The following NELL2 variants were observed in gnomAD, a reference collection of about 807,000 sequenced individuals.
NELL2 encodes neural EGFL like 2, also known as protein kinase C-binding protein NELL2.
In NELL2, 41 loss-of-function variants were observed where a neutral mutation model predicts 109.6. The ratio of observed to expected loss-of-function variants is 0.37; its 90% CI spans 0.29 to 0.49. The LOEUF (loss-of-function observed/expected upper bound fraction) is 0.49. Ranked by LOEUF, NELL2 falls within the 20% of genes least tolerant of loss-of-function variation. The probability of loss-of-function intolerance (pLI) is 0.98; values close to 1 mark genes in which losing one functional copy is unlikely to be tolerated. For synonymous variants in NELL2, 355 were observed against 344.7 expected, an observed-to-expected ratio of 1.03 and a Z score of -0.33; for missense variants, 900 against 1,008.3, an observed-to-expected ratio of 0.89 and a Z score of 1.45.
chr12:44,633,947 G>T (rs1271375162), intron 13 of NELL2, among the ~76,000 whole-genome samples: 1 of 152,022 alleles, frequency 6.6e-6, no homozygotes, highest in Non-Finnish European at 1.5e-5. Context: ...AATATATTCA[G>T]ACATAATAAA....
intron 14 of NELL2, among the ~76,000 whole-genome samples, chr12:44,609,511 G>A (rs1945530294): frequency 6.6e-6 from 1 of 152,024 alleles, no homozygotes; most frequent in Non-Finnish European, 1.5e-5. Flanking sequence ...ATTTGACTGT[G>A]GGTAACTAAA....
intron 13 of NELL2, among the ~76,000 whole-genome samples, chr12:44,661,572 T>A (rs1386251517): frequency 6.6e-6 from 1 of 152,116 alleles, no homozygotes; most frequent in Non-Finnish European, 1.5e-5. Flanking sequence ...TGGTAACAAT[T>A]CCATCTTTGT....
chr12:44,532,223 C>T (rs1466833569), intron 16 of NELL2, among the ~76,000 whole-genome samples: 1 of 152,166 alleles, frequency 6.6e-6, no homozygotes, highest in East Asian at 1.9e-4. Flanking sequence ...CCCCATTTTC[C>T]CTCTATCTTG....
At chr12:44,510,403 C>A (rs1484523668) in intron 19 of NELL2, among the ~76,000 whole-genome samples, 1 of 152,202 alleles carries the variant, frequency 6.6e-6, no homozygotes, top group Admixed American at 6.5e-5. Context: ...CTCAGGCTAG[C>A]CTGACTCTAA....
intron 3 of NELL2, among the ~76,000 whole-genome samples, chr12:44,808,122 C>T (rs1022799879): frequency 2.6e-5 from 4 of 152,048 alleles, no homozygotes; most frequent in Admixed American, 6.6e-5. Flanking sequence ...GCTGGTTAGT[C>T]TATGGGCTGC....
intron 15 of NELL2, among the ~76,000 whole-genome samples, chr12:44,603,678 TA>T (rs895715098): frequency 1.3e-5 from 2 of 152,128 alleles, no homozygotes; most frequent in African/African-American, 4.8e-5. Flanking sequence ...AAGAAGTCCA[TA>T]AAAAATTAAT....
At chr12:44,835,464 T>C (rs1346711512) in intron 2 of NELL2, among the ~76,000 whole-genome samples, 1 of 152,078 alleles carries the variant, frequency 6.6e-6, no homozygotes, top group Non-Finnish European at 1.5e-5. Flanking sequence ...AAGTGTCCAC[T>C]CCAGAGAGAG....
chr12:44,543,915 G>A (rs1011178109), intron 15 of NELL2, among the ~76,000 whole-genome samples: 1 of 151,970 alleles, frequency 6.6e-6, no homozygotes, highest in Admixed American at 6.6e-5. Flanking sequence ...TATACTACTT[G>A]TCTGTCTAGT....
intron 1 of NELL2, among the ~76,000 whole-genome samples, chr12:44,903,029 C>A (rs186665667): frequency 1.2e-3 from 190 of 152,248 alleles, no homozygotes; most frequent in African/African-American, 4.6e-3. Context: ...AAAGCAATGG[C>A]AACAAAAGCC....
intron 15 of NELL2, among the ~76,000 whole-genome samples, chr12:44,558,294 AAATT>A (rs1214601719): frequency 6.6e-6 from 1 of 152,222 alleles, no homozygotes; most frequent in Admixed American, 6.5e-5. Context: ...TCCATAAAAC[AAATT>A]AATTAGTTCT....
intron 15 of NELL2, among the ~76,000 whole-genome samples, chr12:44,570,271 T>C (rs1048269692): frequency 1.3e-5 from 2 of 152,202 alleles, no homozygotes; most frequent in African/African-American, 4.8e-5. Flanking sequence ...TGCTATGTCA[T>C]GTGTGGCGAT....
At chr12:44,811,270 C>G (rs1943166512) in intron 3 of NELL2, among the ~76,000 whole-genome samples, 1 of 144,614 alleles carries the variant, frequency 6.9e-6, no homozygotes, top group African/African-American at 2.6e-5. Flanking sequence ...TGCAGCAAAC[C>G]ACCATGGCAC....
chr12:44,882,807 C>T (rs909115909), intron 1 of NELL2, among the ~76,000 whole-genome samples: 10 of 143,212 alleles, frequency 7.0e-5, no homozygotes, highest in South Asian at 2.4e-4. Context: ...GGATTACAGG[C>T]GTGAGCCACC....
At chr12:44,737,974 G>C (rs1475282811) in intron 9 of NELL2, among the ~76,000 whole-genome samples, 1 of 152,032 alleles carries the variant, frequency 6.6e-6, no homozygotes, top group African/African-American at 2.4e-5. Flanking sequence ...GGAAGTCACA[G>C]AAACTAGTTG....
chr12:44,831,885 C>A (rs1592619468), intron 2 of NELL2, among the ~76,000 whole-genome samples: 1 of 152,146 alleles, frequency 6.6e-6, no homozygotes, highest in East Asian at 1.9e-4. Flanking sequence ...AAGAAATAAT[C>A]TTCTTTCTTA....
chr12:44,539,052 A>C (rs1386069630), intron 15 of NELL2, among the ~76,000 whole-genome samples: 1 of 151,832 alleles, frequency 6.6e-6, no homozygotes. Context: ...GCTTTCCTGG[A>C]CTCCAGAGAC....
chr12:44,776,039 T>C lies in NELL2; in HGVS notation c.874A>G (p.Lys292Glu). 6.8e-6 allele frequency: 11 copies of C among 1,613,988 alleles called. No homozygotes were observed. Among genetic ancestry groups the C allele is most frequent in the Non-Finnish European group, 9.3e-6 (11 of 1,179,934 alleles). Residue 292 changes from lysine (K) to glutamate (E), a missense_variant, in exon 8 of 20, where the codon AAG (lysine) becomes GAG (glutamate). Lys to Glu is a moderately conservative substitution (Grantham distance 56). This residue lies in a region of NELL2 where 292 missense variants were observed against 265.3 expected (regional missense o/e 1.10). Transcript: ENST00000429094. ...AGCCATACCAGGCATGTGCAGTTCTTACAGCCGTCTATCCAGGACTCAAAT... is the reference window on the plus strand; with the variant it reads ...AGCCATACCAGGCATGTGCAGTTCTCACAGCCGTCTATCCAGGACTCAAAT... ...REFESWIDGC[K>E]NCTCLNGTIQ... is the part of the protein sequence containing the mutation.
chr12:44,628,453 C>T (rs1184037783), intron 13 of NELL2, among the ~76,000 whole-genome samples: 1 of 152,160 alleles, frequency 6.6e-6, no homozygotes, highest in African/African-American at 2.4e-5. Context: ...TGTTGAAATA[C>T]ATTTGTTCAT....
chr12:44,908,229 T>C (rs540206378), intron 1 of NELL2, among the ~76,000 whole-genome samples: 68 of 152,096 alleles, frequency 4.5e-4, no homozygotes, highest in Non-Finnish European at 8.5e-4. Context: ...CTATGTGGTA[T>C]AGATAAGAAA....
Sources: gnomAD v4.1 joint callset for allele counts (sites outside exome capture counted in the v4.1 genomes callset) on GRCh38, gnomAD v4.1.1 for gene constraint, gnomAD v4.1.1 regional missense constraint, MANE v1.5 for transcripts, NCBI Gene and HGNC (gene_info 2026-07-23, HGNC 2026-07-21) for gene names.